CHRM3: variants seen among roughly 807,000 people sequenced by gnomAD.
CHRM3 encodes cholinergic receptor muscarinic 3, also known as muscarinic acetylcholine receptor M3.
Under a neutral mutation model 41.8 loss-of-function variants are expected in CHRM3, and 11 were observed. That is an observed-to-expected ratio of 0.26 (90% CI 0.17 to 0.44). The LOEUF (loss-of-function observed/expected upper bound fraction) is 0.44, where lower values mean the gene tolerates loss of function less well. Ranked by LOEUF, CHRM3 falls within the 20% of genes least tolerant of loss-of-function variation. The pLI, the probability that CHRM3 is intolerant of heterozygous loss-of-function variation, is 1.00. For synonymous variants in CHRM3, 297 were observed against 301.4 expected (o/e 0.99, Z 0.15); for missense variants, 571 against 745.4 (o/e 0.77, Z 2.72).
chr1:239,695,663 A>G (rs1660114613), intron 5 of CHRM3, among the ~76,000 whole-genome samples: 1 of 151,992 alleles, frequency 6.6e-6, no homozygotes, highest in Admixed American at 6.5e-5. Flanking sequence ...ATATTATTAT[A>G]TTTATATAAA....
intron 5 of CHRM3, among the ~76,000 whole-genome samples, chr1:239,825,775 T>C (rs2149072489): frequency 6.6e-6 from 1 of 152,230 alleles, no homozygotes; most frequent in Admixed American, 6.5e-5. Context: ...AGTGCAGTGG[T>C]GCGATCATAG....
chr1:239,593,144 C>T (rs1664376181), intron 3 of CHRM3, among the ~76,000 whole-genome samples: 1 of 152,118 alleles, frequency 6.6e-6, no homozygotes, highest in Admixed American at 6.6e-5. Context: ...ATATACTTTA[C>T]CCCTCTGTTT....
At chr1:239,611,135 C>T (rs1666979840) in intron 3 of CHRM3, among the ~76,000 whole-genome samples, 1 of 152,102 alleles carries the variant, frequency 6.6e-6, no homozygotes, top group African/African-American at 2.4e-5. Context: ...AATTTTCCTC[C>T]TCCAATGAAC....
intron 4 of CHRM3, among the ~76,000 whole-genome samples, chr1:239,677,709 C>T (rs1452745185): frequency 6.6e-6 from 1 of 152,220 alleles, no homozygotes; most frequent in African/African-American, 2.4e-5. Flanking sequence ...TTAAAGGTCC[C>T]ACCTCTTACT....
intron 6 of CHRM3, among the ~76,000 whole-genome samples, chr1:239,874,381 G>A (rs558588436): frequency 5.1e-5 from 7 of 136,170 alleles, no homozygotes; most frequent in Middle Eastern, 4.3e-3. Context: ...CACTTAATAT[G>A]CAGATTTTTT....
intron 1 of CHRM3, among the ~76,000 whole-genome samples, chr1:239,446,843 G>C (rs1046401617): frequency 2.0e-5 from 3 of 152,122 alleles, no homozygotes; most frequent in African/African-American, 7.2e-5. Context: ...GGTAAACAGT[G>C]GTTCTAAGGG....
At chr1:239,718,370 G>T (rs1453405512) in intron 5 of CHRM3, among the ~76,000 whole-genome samples, 1 of 152,018 alleles carries the variant, frequency 6.6e-6, no homozygotes, top group African/African-American at 2.4e-5. Context: ...CGTGAAACAT[G>T]ACACAAGGTG....
rs377508256 is a variant in CHRM3, at chr1:239,788,043, T to A, written c.-146-39209T>A. 3.6e-4 allele frequency among the ~76,000 whole-genome samples: 55 copies of A among 152,198 alleles called. 1 individual carries two copies. Among genetic ancestry groups the A allele is most frequent in the African/African-American group, 8.4e-4 (35 of 41,564 alleles). ...GTTTGAGGCTCGGAAAAGACTAGCC[T>A]GGGCAACATAAAGAGATTCCTCTCT... On this transcript the variant is annotated intron_variant, in intron 5 of 6. Coordinates refer to ENST00000676153, the MANE Select transcript of CHRM3 (RefSeq NM_001375978.1).
chr1:239,684,991 A>G (rs2149115148), intron 5 of CHRM3, among the ~76,000 whole-genome samples: 1 of 151,186 alleles, frequency 6.6e-6, no homozygotes, highest in Non-Finnish European at 1.5e-5. Context: ...CAGCAGAAAA[A>G]CCTCTCCCTT....
At chr1:239,722,473 A>C (rs1245484832) in intron 5 of CHRM3, among the ~76,000 whole-genome samples, 1 of 151,950 alleles carries the variant, frequency 6.6e-6, no homozygotes, top group Non-Finnish European at 1.5e-5. Context: ...ACAAATAACA[A>C]AATCTTAAGA....
intron 2 of CHRM3, among the ~76,000 whole-genome samples, chr1:239,524,483 C>T (rs558975390): frequency 7.2e-4 from 109 of 151,900 alleles, no homozygotes; most frequent in Non-Finnish European, 1.3e-3. Context: ...GCCATGACCG[C>T]TCTCGGGGTT....
intron 5 of CHRM3, among the ~76,000 whole-genome samples, chr1:239,783,361 ATAT>A (rs1348557045): frequency 3.3e-5 from 5 of 152,152 alleles, no homozygotes; most frequent in Admixed American, 6.5e-5. Context: ...GGGAAAATAC[ATAT>A]TATTATGTAT....
At chr1:239,443,859 A>T (rs535932827) in intron 1 of CHRM3, among the ~76,000 whole-genome samples, 1 of 152,334 alleles carries the variant, frequency 6.6e-6, no homozygotes, top group African/African-American at 2.4e-5. Context: ...AATTGGAGAA[A>T]CAGTAGAAGA....
At chr1:239,809,295 C>T (rs933457687) in intron 5 of CHRM3, among the ~76,000 whole-genome samples, 1 of 152,092 alleles carries the variant, frequency 6.6e-6, no homozygotes, top group African/African-American at 2.4e-5. Flanking sequence ...GCTGGGATTA[C>T]AGGCGTGAGC....
intron 5 of CHRM3, among the ~76,000 whole-genome samples, chr1:239,736,144 A>G (rs1298288938): frequency 6.6e-6 from 1 of 152,076 alleles, no homozygotes; most frequent in Non-Finnish European, 1.5e-5. Context: ...CTTTATAAAT[A>G]TTAACACCTT....
intron 4 of CHRM3, among the ~76,000 whole-genome samples, chr1:239,638,707 G>C (rs543282521): frequency 6.6e-6 from 1 of 152,220 alleles, no homozygotes; most frequent in South Asian, 2.1e-4. Flanking sequence ...CTCCCATTTT[G>C]TAGGTTGCTG....
intron 2 of CHRM3, among the ~76,000 whole-genome samples, chr1:239,511,643 TAA>T (rs1668929341): frequency 6.6e-6 from 1 of 152,178 alleles, no homozygotes; most frequent in African/African-American, 2.4e-5. Context: ...CAAAATTATA[TAA>T]AGAGAAAGGT....
intron 6 of CHRM3, among the ~76,000 whole-genome samples, chr1:239,835,507 C>T (rs539356427): frequency 1.3e-5 from 2 of 151,950 alleles, no homozygotes; most frequent in South Asian, 4.1e-4. Context: ...ATTTATTTAA[C>T]AACATTTCTT....
At chr1:239,553,930 C>T (rs1660101226) in intron 3 of CHRM3, among the ~76,000 whole-genome samples, 1 of 152,094 alleles carries the variant, frequency 6.6e-6, no homozygotes, top group Non-Finnish European at 1.5e-5. Context: ...ACTCTGTCGC[C>T]CAGGCTAGAG....
Sources: allele counts gnomAD v4.1 joint callset (sites outside exome capture counted in the v4.1 genomes callset), GRCh38; gene constraint gnomAD v4.1.1; transcripts MANE v1.5; gene names NCBI Gene and HGNC (gene_info 2026-07-23, HGNC 2026-07-21).